CPAP: variants seen among roughly 807,000 people sequenced by gnomAD.
CPAP encodes the protein centrosomal P4.1-associated protein.
chr13:24,885,648 C>A, the CPAP span: 1 of 1,612,922 alleles, frequency 6.2e-7, no homozygotes, highest in South Asian at 1.1e-5. Context: ...GAGGTGCAGA[C>A]TTGGATCTTC....
the CPAP span, among the ~76,000 whole-genome samples, chr13:24,918,436 C>T: frequency 1.3e-5 from 2 of 152,124 alleles, no homozygotes; most frequent in Admixed American, 1.3e-4. Context: ...GGACCAACTC[C>T]CCATGCAACC....
At chr13:24,914,985 G>T in the CPAP span, among the ~76,000 whole-genome samples, 1 of 152,022 alleles carries the variant, frequency 6.6e-6, no homozygotes, top group South Asian at 2.1e-4. Flanking sequence ...TGAGGCGGGA[G>T]AATCGCCTGA....
At chr13:24,923,898 C>T in the CPAP span, among the ~76,000 whole-genome samples, 3 of 152,128 alleles carry the variant, frequency 2.0e-5, no homozygotes, top group East Asian at 5.8e-4. Context: ...GCGCGATCTC[C>T]GCTCACTGCA....
the CPAP span, chr13:24,883,999 C>T: frequency 6.2e-7 from 1 of 1,614,142 alleles, no homozygotes; most frequent in Non-Finnish European, 8.5e-7. Context: ...TGGGAAAATG[C>T]TTTCTTCTTG....
chr13:24,911,845 G>T, the CPAP span: 1 of 1,391,674 alleles, frequency 7.2e-7, no homozygotes. Context: ...AAAGAAACTG[G>T]AGTTCACAAC....
chr13:24,883,407 AAAT>A, the CPAP span: 5 of 1,452,908 alleles, frequency 3.4e-6, no homozygotes, highest in Non-Finnish European at 3.8e-6. Context: ...CTTAAAAAAA[AAAT>A]AATAGAAAAT....
chr13:24,894,016 G>A, the CPAP span, among the ~76,000 whole-genome samples: 3 of 152,094 alleles, frequency 2.0e-5, no homozygotes, highest in African/African-American at 4.8e-5. Flanking sequence ...ACACGTGCTG[G>A]GTGTCACTGA....
chr13:24,885,380 A>G, the CPAP span: 1 of 1,610,114 alleles, frequency 6.2e-7, no homozygotes, highest in Non-Finnish European at 8.5e-7. Context: ...TCCCTGGGAG[A>G]GGCAGCCTGT....
chr13:24,885,173 G>T, the CPAP span: 1 of 762,718 alleles, frequency 1.3e-6, no homozygotes, highest in Non-Finnish European at 2.2e-6. Flanking sequence ...GCAACTAAAG[G>T]CATCTTGTCC....
the CPAP span, among the ~76,000 whole-genome samples, chr13:24,895,801 A>G: frequency 6.6e-6 from 1 of 152,232 alleles, no homozygotes; most frequent in Admixed American, 6.5e-5. Context: ...GAGTGTGTGA[A>G]AAGCTATGAC....
the CPAP span, among the ~76,000 whole-genome samples, chr13:24,916,724 C>T: frequency 7.2e-5 from 11 of 152,214 alleles, no homozygotes; most frequent in Admixed American, 2.0e-4. Context: ...AACAATTTCA[C>T]ATCTAGGCAT....
the CPAP span, chr13:24,906,738 C>T: frequency 6.2e-7 from 1 of 1,614,132 alleles, no homozygotes; most frequent in Non-Finnish European, 8.5e-7. Context: ...ATAGGGTTGT[C>T]TGCACACAGC....
chr13:24,906,131 C>A, the CPAP span: 5 of 1,612,936 alleles, frequency 3.1e-6, no homozygotes, highest in African/African-American at 6.7e-5. Flanking sequence ...ATCCTCACTG[C>A]GGTTACAATG....
chr13:24,905,334 GC>G, the CPAP span: 1 of 1,609,930 alleles, frequency 6.2e-7, no homozygotes, highest in South Asian at 1.1e-5. Context: ...ATTTTATAAT[GC>G]TCTGACTCAC....
chr13:24,933,811 GCC>G, the CPAP span, among the ~76,000 whole-genome samples: 1 of 151,666 alleles, frequency 6.6e-6, no homozygotes, highest in East Asian at 1.9e-4. Context: ...TGCAACTTCC[GCC>G]TCCTGAGTTC....
the CPAP span, among the ~76,000 whole-genome samples, chr13:24,914,893 T>C: frequency 2.2e-3 from 329 of 152,206 alleles, 1 homozygote; most frequent in Middle Eastern, 0.01. Flanking sequence ...GCCAAGATGG[T>C]GAAACCCCGT....
chr13:24,893,393 G>C, the CPAP span, among the ~76,000 whole-genome samples: 3 of 152,246 alleles, frequency 2.0e-5, no homozygotes, highest in Non-Finnish European at 4.4e-5. Flanking sequence ...GAAGCAATTC[G>C]AGATCACGTG....
the CPAP span, among the ~76,000 whole-genome samples, chr13:24,894,405 A>T: frequency 6.6e-6 from 1 of 152,210 alleles, no homozygotes; most frequent in Non-Finnish European, 1.5e-5. Flanking sequence ...CTCTGGCCCA[A>T]GCACAGGGGA....
the CPAP span, among the ~76,000 whole-genome samples, chr13:24,920,774 C>A: frequency 7.0e-6 from 1 of 142,610 alleles, no homozygotes; most frequent in East Asian, 2.1e-4. Flanking sequence ...GCATGCACCA[C>A]CATACCTGGC....
Sources: allele counts gnomAD v4.1 joint callset (sites outside exome capture counted in the v4.1 genomes callset), GRCh38; gene constraint gnomAD v4.1.1; transcripts MANE v1.5; gene names NCBI Gene and HGNC (gene_info 2026-07-23, HGNC 2026-07-21).